SLC12A6: variants seen among roughly 807,000 people sequenced by gnomAD.
SLC12A6 encodes the protein K-Cl cotransporter 3.
A neutral mutation model predicts 135.3 loss-of-function variants in SLC12A6; 66 were observed. The observed-to-expected ratio is 0.49, with a 90% confidence interval of 0.40 to 0.60. SLC12A6 has a LOEUF of 0.60. Ranked by LOEUF, SLC12A6 falls within the 20% of genes least tolerant of loss-of-function variation. SLC12A6 has a pLI of 0.00. For missense variants in SLC12A6, 1,058 were observed against 1,452.3 expected (o/e 0.73, Z 4.41); for synonymous variants, 513 against 508.8 (o/e 1.01, Z -0.11).
At chr15:34,314,266 C>G (rs1459966347) in intron 2 of SLC12A6, among the ~76,000 whole-genome samples, 1 of 152,104 alleles carries the variant, frequency 6.6e-6, no homozygotes, top group Non-Finnish European at 1.5e-5. Flanking sequence ...AAGCTGGTCT[C>G]GAACTCCTGA....
At chr15:34,318,282 GTCTT>G (rs1267207746) in intron 2 of SLC12A6, among the ~76,000 whole-genome samples, 1 of 152,166 alleles carries the variant, frequency 6.6e-6, no homozygotes, top group Non-Finnish European at 1.5e-5. Context: ...TGACTTCTGT[GTCTT>G]TCTTTTTGCT....
intron 3 of SLC12A6, among the ~76,000 whole-genome samples, chr15:34,268,880 G>A (rs1033519786): frequency 3.4e-5 from 5 of 148,824 alleles, no homozygotes; most frequent in South Asian, 2.1e-4. Context: ...TTTTTGAGAC[G>A]GAGTCTTGCT....
At chr15:34,235,382 C>CTT (rs1042896680) in intron 24 of SLC12A6, 68 bp from the exon 25 acceptor site, 1 of 1,286,700 alleles carries the variant, frequency 7.8e-7, no homozygotes, top group African/African-American at 1.5e-5. Flanking sequence ...ACGTTAAAAA[C>CTT]TTGAGATCCT....
intron 2 of SLC12A6, among the ~76,000 whole-genome samples, chr15:34,288,484 A>G (rs1895278411): frequency 6.6e-6 from 1 of 152,208 alleles, no homozygotes; most frequent in African/African-American, 2.4e-5. Flanking sequence ...TTGGTTCCAT[A>G]TGAACTTTAA....
At chr15:34,284,398 G>A (rs930479205) in intron 2 of SLC12A6, among the ~76,000 whole-genome samples, 10 of 139,844 alleles carry the variant, frequency 7.2e-5, no homozygotes, top group African/African-American at 2.1e-4. Context: ...TCAGCCTCCC[G>A]AGTACCTGGG....
At chr15:34,276,560 C>T (rs1230609808) in intron 2 of SLC12A6, among the ~76,000 whole-genome samples, 1 of 152,190 alleles carries the variant, frequency 6.6e-6, no homozygotes, top group East Asian at 1.9e-4. Context: ...GACTAAATCT[C>T]TTGAGACGCT....
intron 21 of SLC12A6, 27 bp downstream of exon 21, chr15:34,238,205 T>C (rs762808053): frequency 1.0e-5 from 16 of 1,559,252 alleles, no homozygotes; most frequent in South Asian, 2.2e-5. Flanking sequence ...AGAAAGACTT[T>C]TGTAAAAAAA....
At chr15:34,263,805 C>G (rs1355096448) in intron 3 of SLC12A6, among the ~76,000 whole-genome samples, 5 of 152,092 alleles carry the variant, frequency 3.3e-5, no homozygotes, top group African/African-American at 4.8e-5. Flanking sequence ...ATCAAAATTA[C>G]TGGGTCACAT....
At chr15:34,325,937 T>A (rs8023583) in intron 2 of SLC12A6, among the ~76,000 whole-genome samples, 20,944 of 152,190 alleles carry the variant, frequency 0.14, 1,588 homozygotes, top group East Asian at 0.33. Flanking sequence ...GAATGAACCT[T>A]GAGAACACAA....
At chr15:34,237,093 G>T in intron 22 of SLC12A6, 1 of 476,706 alleles carries the variant, frequency 2.1e-6, no homozygotes, top group Non-Finnish European at 3.8e-6. Context: ...TATACTGTTA[G>T]GTTTTTTTTA....
At chr15:34,237,240 C>T (rs1891325776) in intron 22 of SLC12A6, 179 bp downstream of exon 22, 2 of 551,698 alleles carry the variant, frequency 3.6e-6, no homozygotes, top group Non-Finnish European at 6.5e-6. Context: ...ATCAAACATG[C>T]ATCACATATA....
chr15:34,297,907 G>A (rs1001692849), intron 2 of SLC12A6, among the ~76,000 whole-genome samples: 1 of 152,070 alleles, frequency 6.6e-6, no homozygotes, highest in African/African-American at 2.4e-5. Context: ...AGAAATAAAT[G>A]CTAGATATAT....
In SLC12A6 at chr15:34,233,666, G is replaced by A; in HGVS notation, c.*215C>T. On this transcript the variant is annotated 3_prime_UTR_variant, in exon 26 of 26. Coordinates refer to ENST00000354181, the MANE Select transcript of SLC12A6 (RefSeq NM_001365088.1). ...GCTTGAAAGACTTGAGCATTGTTCT[G>A]ATGTTGAGGGAATATTTGCTTTTTC... 1.8e-6 allele frequency: 1 copy of A among 557,046 alleles called. No individual in the cohort carries two copies. Among genetic ancestry groups the A allele is most frequent in the Non-Finnish European group, 3.3e-6 (1 of 306,894 alleles). 34.5% of individuals were successfully genotyped at this position (557,046 alleles called of 1,614,324 possible). A position where few individuals can be genotyped will look rare whatever the true frequency, so the allele number is the denominator to read the frequency against.
rs371200689 is a variant in SLC12A6, at chr15:34,336,694, A to T, written c.-14T>A. Reference sequence around the variant, plus strand: ...TGGAGGATGCATTTTGTTCTTTTTAAGAACAAAAAAAGTGGGGGGAACCTC... The same window carrying T: ...TGGAGGATGCATTTTGTTCTTTTTATGAACAAAAAAAGTGGGGGGAACCTC... On this transcript the variant is annotated 5_prime_UTR_variant, in exon 2 of 26. Coordinates refer to ENST00000354181, the MANE Select transcript of SLC12A6 (RefSeq NM_001365088.1). 1 of 1,613,694 alleles carries T rather than the reference A, an allele frequency of 6.2e-7. No homozygotes were observed. Among genetic ancestry groups the T allele is most frequent in the African/African-American group, 1.3e-5 (1 of 75,032 alleles).
At chr15:34,245,456 GATTTCTCTA>G in intron 14 of SLC12A6, 53 bp from the exon 15 acceptor site, 1 of 1,073,250 alleles carries the variant, frequency 9.3e-7, no homozygotes, top group Non-Finnish European at 1.5e-6. Context: ...ATTGCTCTCT[GATTTCTCTA>G]GCCTACAGTT....
chr15:34,253,877 A>C (rs1405343225), intron 9 of SLC12A6, among the ~76,000 whole-genome samples: 1 of 152,216 alleles, frequency 6.6e-6, no homozygotes, highest in East Asian at 1.9e-4. Context: ...GAATGATGAG[A>C]GAGTACTTAA....
chr15:34,282,327 A>G (rs555558790), intron 2 of SLC12A6, among the ~76,000 whole-genome samples: 2 of 152,226 alleles, frequency 1.3e-5, no homozygotes, highest in Admixed American at 1.3e-4. Context: ...AAAGAAGAAT[A>G]TAATATTCAG....
At position 34,238,414 on chromosome 15, in the gene SLC12A6, A is replaced by G; in HGVS notation, c.2633-13T>C. On this transcript the variant is annotated splice_polypyrimidine_tract_variant and intron_variant, in intron 20 of 25. Coordinates refer to ENST00000354181, the MANE Select transcript of SLC12A6 (RefSeq NM_001365088.1). The stretch of plus-strand genomic sequence containing the variant: ...ACTCGAACTGTGCCTAGGGAGAAAA[A>G]AGAATAAGCAGAGAAGAATCCTTAG... The G allele has an allele frequency of 6.2e-7, 1 of 1,607,428 alleles. No individual in the cohort carries two copies. The highest frequency in any genetic ancestry group is 8.5e-7 in the Non-Finnish European group (1 of 1,174,126).
intron 2 of SLC12A6, among the ~76,000 whole-genome samples, chr15:34,298,602 G>A (rs1157528846): frequency 6.6e-6 from 1 of 151,612 alleles, no homozygotes; most frequent in Non-Finnish European, 1.5e-5. Flanking sequence ...TGGGTGGGGG[G>A]AAATGGAGGA....
Sources: gnomAD v4.1 joint callset for allele counts (sites outside exome capture counted in the v4.1 genomes callset) on GRCh38, gnomAD v4.1.1 for gene constraint, MANE v1.5 for transcripts, NCBI Gene and HGNC (gene_info 2026-07-23, HGNC 2026-07-21) for gene names.